Variants in IQCM observed in about 807,000 individuals in gnomAD.
The protein encoded by IQCM is IQ domain-containing protein M.
In IQCM, 45 loss-of-function variants were observed where a neutral mutation model predicts 57.6. The ratio of observed to expected loss-of-function variants is 0.78; its 90% CI spans 0.62 to 1.00. The LOEUF is 1.00. Ranked by LOEUF, IQCM falls within the 50% of genes least tolerant of loss-of-function variation. The probability of loss-of-function intolerance (pLI) is 0.00; values close to 1 mark genes in which losing one functional copy is unlikely to be tolerated. For missense variants in IQCM, 468 were observed against 511.6 expected, an observed-to-expected ratio of 0.91 and a Z score of 0.82; for synonymous variants, 148 against 158.9, an observed-to-expected ratio of 0.93 and a Z score of 0.51.
intron 13 of IQCM, among the ~76,000 whole-genome samples, chr4:149,382,078 C>T (rs544024586): frequency 7.2e-5 from 11 of 151,950 alleles, no homozygotes; most frequent in South Asian, 2.1e-4. Context: ...CATAGTATTT[C>T]GAAGCATGCA....
At chr4:149,616,273 GA>G (rs1411478003) in intron 8 of IQCM, among the ~76,000 whole-genome samples, 1 of 152,126 alleles carries the variant, frequency 6.6e-6, no homozygotes, top group Non-Finnish European at 1.5e-5. Flanking sequence ...GCCTAAGAAA[GA>G]AATTCTGACA....
chr4:149,784,077 G>T (rs963723674), intron 2 of IQCM, among the ~76,000 whole-genome samples: 2 of 152,164 alleles, frequency 1.3e-5, no homozygotes, highest in African/African-American at 4.8e-5. Context: ...ATGAGATAAT[G>T]TATGTGTTGT....
At chr4:149,641,630 C>A (rs564343717) in intron 7 of IQCM, among the ~76,000 whole-genome samples, 323 of 152,072 alleles carry the variant, frequency 2.1e-3, no homozygotes, top group Non-Finnish European at 3.9e-3. Flanking sequence ...CAATATATTT[C>A]CCAACCATAT....
At chr4:149,495,970 A>G (rs528910835) in intron 12 of IQCM, among the ~76,000 whole-genome samples, 1 of 152,276 alleles carries the variant, frequency 6.6e-6, no homozygotes, top group East Asian at 1.9e-4. Context: ...GTGTTTCACC[A>G]TCTTAGAGGG....
At chr4:149,804,758 A>C (rs1008065467) in intron 2 of IQCM, among the ~76,000 whole-genome samples, 15 of 152,094 alleles carry the variant, frequency 9.9e-5, no homozygotes, top group Non-Finnish European at 1.0e-4. Flanking sequence ...CTTTTCTAGT[A>C]ACATGTGAGA....
chr4:149,667,864 GA>G (rs1399222540), intron 7 of IQCM, among the ~76,000 whole-genome samples: 1 of 151,802 alleles, frequency 6.6e-6, no homozygotes, highest in Non-Finnish European at 1.5e-5. Context: ...AATAAAGCAT[GA>G]AGACAAGATT....
At chr4:149,532,516 T>A (rs1452321832) in intron 12 of IQCM, among the ~76,000 whole-genome samples, 4 of 151,758 alleles carry the variant, frequency 2.6e-5, no homozygotes, top group Non-Finnish European at 5.9e-5. Flanking sequence ...TATCTTTTTT[T>A]TTTTTTTTTT....
intron 11 of IQCM, among the ~76,000 whole-genome samples, chr4:149,550,648 A>G (rs541065993): frequency 6.6e-6 from 1 of 152,346 alleles, no homozygotes; most frequent in South Asian, 2.1e-4. Context: ...TAGGGTAAAT[A>G]TAAAACTTAA....
rs776377078 is a variant in IQCM, at chr4:149,497,480, G to A, written c.1228+50975C>T. The stretch of plus-strand genomic sequence containing the variant: ...AATCATGGCAGAAGGCAAAAGGCAC[G>A]TCTCACATGGTGGCAGACAAGAGAA... On this transcript the variant is annotated intron_variant, in intron 12 of 13. Transcript: ENST00000636793. Among the ~76,000 whole-genome samples, 19 of 152,152 alleles carry A rather than the reference G, an allele frequency of 1.2e-4. No individual in the cohort carries two copies. In the East Asian group the frequency reaches 1.9e-3, roughly 16 times the overall value.
intron 12 of IQCM, among the ~76,000 whole-genome samples, chr4:149,465,232 T>A (rs6825099): frequency 6.6e-6 from 1 of 151,914 alleles, no homozygotes; most frequent in South Asian, 2.1e-4. Context: ...TTTGGTTTTT[T>A]TTAATCAATT....
At chr4:149,670,899 T>C (rs1340078152) in intron 7 of IQCM, among the ~76,000 whole-genome samples, 1 of 152,082 alleles carries the variant, frequency 6.6e-6, no homozygotes, top group Non-Finnish European at 1.5e-5. Flanking sequence ...CTGAGGATTT[T>C]TACATCAATG....
chr4:149,391,051 A>C (rs968208443), intron 13 of IQCM, among the ~76,000 whole-genome samples: 5 of 151,924 alleles, frequency 3.3e-5, no homozygotes, highest in South Asian at 2.1e-4. Context: ...ATTGAGTAAA[A>C]ATTAGTTAGA....
chr4:149,558,458 G>A (rs1384088355), intron 10 of IQCM, among the ~76,000 whole-genome samples: 3 of 152,142 alleles, frequency 2.0e-5, no homozygotes, highest in African/African-American at 7.2e-5. Context: ...ACAAGACTTT[G>A]CGAATAGATT....
At chr4:149,585,330 G>GA in intron 9 of IQCM, among the ~76,000 whole-genome samples, 1 of 151,744 alleles carries the variant, frequency 6.6e-6, no homozygotes, top group East Asian at 2.0e-4. Context: ...TCTGTAACAA[G>GA]AAAAGTTCTT....
chr4:149,723,405 A>G (rs1765615639), intron 5 of IQCM, among the ~76,000 whole-genome samples: 1 of 151,990 alleles, frequency 6.6e-6, no homozygotes, highest in Non-Finnish European at 1.5e-5. Flanking sequence ...ATTGTTCAGC[A>G]TGTTATTGGC....
At chr4:149,670,940 CTTT>C (rs57287015) in intron 7 of IQCM, among the ~76,000 whole-genome samples, 1 of 143,370 alleles carries the variant, frequency 7.0e-6, no homozygotes. Flanking sequence ...AAAATTCTCT[CTTT>C]TTTTTTTTTT....
rs1387673014 is a variant in IQCM at position 149,581,924 on chromosome 4, TGAG to T, written c.749+6003_749+6005del. On this transcript the variant is annotated intron_variant, in intron 9 of 13. Coordinates refer to ENST00000636793, the MANE Select transcript of IQCM (RefSeq NM_001363507.2). Reference sequence around the variant, plus strand: ...CAGAATATTTCTGTGTGTGTGTATGTGAGGAGAAGGGGAGGGGCAAGGTGCTTT... The same window carrying T: ...CAGAATATTTCTGTGTGTGTGTATGTGAGAAGGGGAGGGGCAAGGTGCTTT... 3.3e-5 allele frequency among the ~76,000 whole-genome samples: 5 copies of T among 151,612 alleles called. No homozygotes were observed. In the South Asian group the frequency reaches 1.0e-3, roughly 31 times the overall value.
At chr4:149,425,587 T>A (rs1734411030) in intron 13 of IQCM, among the ~76,000 whole-genome samples, 1 of 151,902 alleles carries the variant, frequency 6.6e-6, no homozygotes, top group African/African-American at 2.4e-5. Flanking sequence ...TCCTCCACCT[T>A]TTTTTCTATT....
chr4:149,454,400 A>T (rs867622341), intron 12 of IQCM, among the ~76,000 whole-genome samples: 6 of 151,980 alleles, frequency 3.9e-5, no homozygotes, highest in Non-Finnish European at 8.8e-5. Context: ...TGCTACTTGT[A>T]AGTGGGAGCT....
Sources: gnomAD v4.1 joint callset for allele counts (sites outside exome capture counted in the v4.1 genomes callset) on GRCh38, gnomAD v4.1.1 for gene constraint, MANE v1.5 for transcripts, NCBI Gene and HGNC (gene_info 2026-07-23, HGNC 2026-07-21) for gene names.